The following MED13L variants were observed in gnomAD, a reference collection of about 807,000 sequenced individuals.
MED13L encodes mediator of RNA polymerase II transcription subunit 13-like.
MED13L carries 7 observed loss-of-function variants against 220.9 expected under a neutral mutation model. The observed-to-expected ratio is 0.03, with a 90% CI of 0.02 to 0.06. MED13L has a LOEUF of 0.06. MED13L is among the 10% of genes least tolerant of loss of function. The pLI is 1.00. For missense variants in MED13L, 1,965 were observed against 2,760.5 expected (o/e 0.71, Z 6.46); for synonymous variants, 1,011 against 1,015.2 (o/e 1.00, Z 0.08).
At chr12:116,161,168 G>A (rs1004984076) in intron 2 of MED13L, among the ~76,000 whole-genome samples, 3 of 152,096 alleles carry the variant, frequency 2.0e-5, no homozygotes, top group African/African-American at 7.2e-5. Context: ...GGGCAGACCC[G>A]TCATGACCGA....
At position 116,277,236 on chromosome 12, in the gene MED13L, G is replaced by C. The variant is rs1307791330; in HGVS notation, c.-105C>G. 8.9e-6 allele frequency: 4 copies of C among 448,204 alleles called. No individual in the cohort carries two copies. Among genetic ancestry groups the C allele is most frequent in the Non-Finnish European group, 1.0e-5 (4 of 381,090 alleles). The allele number at this position is 448,204 out of a possible 1,614,324, so 27.8% of individuals were successfully genotyped here. On this transcript the variant is annotated 5_prime_UTR_variant, in exon 1 of 31. Coordinates refer to ENST00000281928, the MANE Select transcript of MED13L (RefSeq NM_015335.5). ...CCTCGCCGGGGAGCGCGGGGCGGCC[G>C]GGCCGCCGCCGCCGCCGGGGGAGGG...
chr12:116,249,639 G>A (rs1213149778), intron 1 of MED13L, among the ~76,000 whole-genome samples: 1 of 144,520 alleles, frequency 6.9e-6, no homozygotes, highest in African/African-American at 2.5e-5. Context: ...AGAAATGGGG[G>A]ATTTTTTTAA....
At chr12:116,096,773 ATTACTT>A in intron 3 of MED13L, 21 bp from the exon 4 acceptor site, 1 of 1,579,778 alleles carries the variant, frequency 6.3e-7, no homozygotes. Flanking sequence ...TACATCAAGA[ATTACTT>A]TTATAGTATC....
At chr12:116,241,112 T>G (rs1565944927) in intron 1 of MED13L, among the ~76,000 whole-genome samples, 1 of 150,982 alleles carries the variant, frequency 6.6e-6, no homozygotes. Flanking sequence ...ATGGAGACCA[T>G]CCTGGCCAAC....
intron 2 of MED13L, among the ~76,000 whole-genome samples, chr12:116,181,477 C>G (rs1880520484): frequency 6.6e-6 from 1 of 152,058 alleles, no homozygotes; most frequent in South Asian, 2.1e-4. Flanking sequence ...ACTATCATCT[C>G]AATTATTTCT....
chr12:116,147,881 T>G (rs1027848479), intron 2 of MED13L, among the ~76,000 whole-genome samples: 2 of 150,624 alleles, frequency 1.3e-5, no homozygotes, highest in Admixed American at 6.6e-5. Flanking sequence ...AAAGATGAGG[T>G]TTTTTTAACA....
intron 4 of MED13L, among the ~76,000 whole-genome samples, chr12:116,079,231 G>GT (rs1871046242): frequency 6.6e-6 from 1 of 152,076 alleles, no homozygotes; most frequent in Admixed American, 6.5e-5. Context: ...GGTGGTGGTG[G>GT]TGGGTTTTTT....
chr12:116,206,074 CTTTTTTTTTTTTT>C (rs1160337465), intron 2 of MED13L, among the ~76,000 whole-genome samples: 2 of 87,224 alleles, frequency 2.3e-5, no homozygotes, highest in Admixed American at 1.4e-4. Context: ...GTATTATTAC[CTTTTTTTTTTTTT>C]TTTTTTTTTT....
rs10678970 is a variant in MED13L at position 116,148,051 on chromosome 12, CAAA to C, written c.311-36542_311-36540del. Among the ~76,000 whole-genome samples the C allele has an allele frequency of 5.0e-4, 9 of 18,136 alleles. No homozygotes were observed. The East Asian group carries it at 5.9e-3, about 12-fold the overall frequency. The allele number at this position is 18,136 out of a possible 152,430, so 11.9% of individuals were successfully genotyped here. On this transcript the variant is annotated intron_variant, in intron 2 of 30. Coordinates refer to ENST00000281928, the MANE Select transcript of MED13L (RefSeq NM_015335.5). The stretch of plus-strand genomic sequence containing the variant: ...TGGGCTACAGAGCAAGACCCCATCT[CAAA>C]AAAAAAAAAAAAAAAAAAAAGAGGG...
chr12:116,275,920 G>A lies in MED13L; in HGVS notation c.72+1140C>T, dbSNP rs114683934. Among the ~76,000 whole-genome samples the A allele has an allele frequency of 3.1e-4, 47 of 152,288 alleles. No individual in the cohort carries two copies. The South Asian group carries it at 5.2e-3, about 17-fold the overall frequency. ...AAATTCGTACTCTCCTGGGCACATAGCTATACATACAGTAACTCATGCACA... is the reference window on the plus strand; with the variant it reads ...AAATTCGTACTCTCCTGGGCACATAACTATACATACAGTAACTCATGCACA... On this transcript the variant is annotated intron_variant, in intron 1 of 30. Transcript: ENST00000281928.
intron 2 of MED13L, among the ~76,000 whole-genome samples, chr12:116,166,993 A>C (rs1404573037): frequency 6.6e-6 from 1 of 152,214 alleles, no homozygotes; most frequent in Admixed American, 6.5e-5. Context: ...TCATCCTTTG[A>C]CTTCAAGTAT....
At chr12:116,007,289 G>A in intron 11 of MED13L, 122 bp downstream of exon 11, 1 of 859,860 alleles carries the variant, frequency 1.2e-6, no homozygotes, top group South Asian at 1.4e-5. Context: ...GCATGAATAT[G>A]GGGACAGAGC....
At chr12:116,108,025 G>A (rs1298607698) in intron 3 of MED13L, among the ~76,000 whole-genome samples, 9 of 152,038 alleles carry the variant, frequency 5.9e-5, no homozygotes, top group Non-Finnish European at 8.8e-5. Flanking sequence ...GGGAGGCGGA[G>A]GTTGCAGTGA....
chr12:116,112,517 C>T (rs570971222), intron 2 of MED13L, among the ~76,000 whole-genome samples: 3 of 152,148 alleles, frequency 2.0e-5, no homozygotes, highest in Non-Finnish European at 2.9e-5. Context: ...GGCCTTTTAT[C>T]TTCTATTAGA....
intron 2 of MED13L, among the ~76,000 whole-genome samples, chr12:116,137,221 T>A (rs1471422443): frequency 6.6e-6 from 1 of 152,110 alleles, no homozygotes; most frequent in Non-Finnish European, 1.5e-5. Context: ...CTAAGATGAA[T>A]GATGATGTAG....
intron 2 of MED13L, among the ~76,000 whole-genome samples, chr12:116,178,817 T>A (rs1040841076): frequency 6.6e-6 from 1 of 152,244 alleles, no homozygotes; most frequent in Non-Finnish European, 1.5e-5. Flanking sequence ...TAAAATATTG[T>A]GACTGCTTAG....
At chr12:116,226,509 C>G (rs1431653982) in intron 2 of MED13L, among the ~76,000 whole-genome samples, 1 of 152,214 alleles carries the variant, frequency 6.6e-6, no homozygotes, top group African/African-American at 2.4e-5. Context: ...CAGGTAGCAT[C>G]CAGACAGCAG....
chr12:116,043,140 C>G (rs752765779), intron 4 of MED13L, among the ~76,000 whole-genome samples: 3 of 152,120 alleles, frequency 2.0e-5, no homozygotes, highest in Non-Finnish European at 2.9e-5. Context: ...CACCTTAAAC[C>G]TCAGGAATGG....
intron 29 of MED13L, among the ~76,000 whole-genome samples, chr12:115,964,698 C>T (rs1876018893): frequency 6.6e-6 from 1 of 152,128 alleles, no homozygotes; most frequent in Admixed American, 6.6e-5. Flanking sequence ...GACAACAGAG[C>T]TGCCCCCTAA....
Sources: gnomAD v4.1 joint callset for allele counts (sites outside exome capture counted in the v4.1 genomes callset) on GRCh38, gnomAD v4.1.1 for gene constraint, MANE v1.5 for transcripts, NCBI Gene and HGNC (gene_info 2026-07-23, HGNC 2026-07-21) for gene names.